The following RNF144A variants were observed in gnomAD, a reference collection of about 807,000 sequenced individuals.
RNF144A encodes E3 ubiquitin-protein ligase RNF144A.
In RNF144A, 11 loss-of-function variants were observed where a neutral mutation model predicts 38.7. That is an observed-to-expected ratio of 0.28 (90% CI 0.18 to 0.47). The LOEUF is 0.47. Ranked by LOEUF, RNF144A falls within the 20% of genes least tolerant of loss-of-function variation. RNF144A has a pLI of 0.99. For synonymous variants in RNF144A, 149 were observed against 143.9 expected (o/e 1.04, Z -0.25); for missense variants, 316 against 377.2 (o/e 0.84, Z 1.34).
chr2:7,054,232 C>T (rs1408594044), intron 6 of RNF144A, among the ~76,000 whole-genome samples: 1 of 152,216 alleles, frequency 6.6e-6, no homozygotes, highest in African/African-American at 2.4e-5. Flanking sequence ...GAGACAGCCG[C>T]TGAATAAAAC....
intron 6 of RNF144A, among the ~76,000 whole-genome samples, chr2:7,023,181 T>G (rs192903443): frequency 9.2e-5 from 14 of 152,316 alleles, no homozygotes; most frequent in African/African-American, 3.4e-4. Flanking sequence ...ACATACTGCT[T>G]CTCTCATTAT....
chr2:6,930,768 T>A (rs895209173), intron 1 of RNF144A, among the ~76,000 whole-genome samples: 1 of 151,902 alleles, frequency 6.6e-6, no homozygotes, highest in African/African-American at 2.4e-5. Context: ...ATTTTTATAT[T>A]TTTTTTGTAG....
chr2:7,070,535 G>A (rs1674429188), downstream of RNF144A, among the ~76,000 whole-genome samples: 1 of 152,166 alleles, frequency 6.6e-6, no homozygotes, highest in Non-Finnish European at 1.5e-5. Flanking sequence ...CCCCCTCCCA[G>A]TACATGTGAA....
At position 6,922,646 on chromosome 2, in the gene RNF144A, A is replaced by T. The variant is rs1465606459; in HGVS notation, c.-212+5024A>T. 2.6e-4 allele frequency among the ~76,000 whole-genome samples: 36 copies of T among 139,484 alleles called. 2 individuals carry two copies. Among genetic ancestry groups the T allele is most frequent in the Admixed American group, 2.5e-3 (34 of 13,618 alleles). 91.5% of individuals were successfully genotyped at this position (139,484 alleles called of 152,430 possible). Reference sequence around the variant, plus strand: ...TTTTTCTTTTTTTTTTTTTTTTGAGATGGAGTCTCACTTTGTCGCCCAGGC... The same window carrying T: ...TTTTTCTTTTTTTTTTTTTTTTGAGTTGGAGTCTCACTTTGTCGCCCAGGC... On this transcript the variant is annotated intron_variant, in intron 1 of 8. Transcript: ENST00000320892.
chr2:7,049,738 T>G (rs571064620), intron 6 of RNF144A, among the ~76,000 whole-genome samples: 39 of 151,982 alleles, frequency 2.6e-4, no homozygotes, highest in Non-Finnish European at 5.4e-4. Context: ...AAGCTGGGAG[T>G]TATTACAAAC....
intron 7 of RNF144A, among the ~76,000 whole-genome samples, chr2:7,024,985 A>G (rs1671787126): frequency 6.6e-6 from 1 of 151,886 alleles, no homozygotes; most frequent in Admixed American, 6.6e-5. Context: ...GTGAGGACAG[A>G]CAGAAGTGGG....
chr2:6,986,348 T>G (rs1396565690), intron 2 of RNF144A, among the ~76,000 whole-genome samples: 1 of 152,110 alleles, frequency 6.6e-6, no homozygotes, highest in Non-Finnish European at 1.5e-5. Flanking sequence ...GCTCAAGGGA[T>G]TGACAAGCTC....
At chr2:7,034,851 G>A (rs1436363681) in intron 8 of RNF144A, among the ~76,000 whole-genome samples, 1 of 152,204 alleles carries the variant, frequency 6.6e-6, no homozygotes, top group African/African-American at 2.4e-5. Context: ...GGGGCCGGCT[G>A]GGGAGCCTTC....
intron 2 of RNF144A, among the ~76,000 whole-genome samples, chr2:6,985,734 G>A (rs568726224): frequency 1.4e-4 from 22 of 152,236 alleles, no homozygotes; most frequent in Admixed American, 5.9e-4. Flanking sequence ...GTGCAGTGGC[G>A]CCATCTCGGC....
At chr2:7,067,551 A>C (rs759790723) in intron 6 of RNF144A, among the ~76,000 whole-genome samples, 2 of 152,154 alleles carry the variant, frequency 1.3e-5, no homozygotes, top group African/African-American at 2.4e-5. Flanking sequence ...AAATCCCCTC[A>C]TTAAATGCCT....
chr2:6,990,597 A>C (rs1050763188), intron 2 of RNF144A, among the ~76,000 whole-genome samples: 1 of 151,514 alleles, frequency 6.6e-6, no homozygotes, highest in Non-Finnish European at 1.5e-5. Flanking sequence ...ACACACACAC[A>C]CACACAGATA....
intron 2 of RNF144A, among the ~76,000 whole-genome samples, chr2:6,947,133 G>A (rs978854171): frequency 5.9e-5 from 9 of 152,130 alleles, no homozygotes; most frequent in Admixed American, 2.0e-4. Context: ...AATTGATCTT[G>A]AATTGAGTCT....
Position 6,958,693 on chromosome 2 carries a change from C to T in RNF144A, c.-12+17546C>T, listed in dbSNP as rs1460971744. ...GGGGGACTGTCCACGTGACCGTAAT[C>T]TATTTCCCAGAGGGTCCCAGGCTGG... is the stretch of plus-strand genomic sequence containing the variant. On this transcript the variant is annotated intron_variant, in intron 2 of 8. Coordinates refer to ENST00000320892, the MANE Select transcript of RNF144A (RefSeq NM_014746.6). This position sits in a 1 kb window ranked among gnomAD's most constrained non-coding sequence, Gnocchi z 4.5. Among the ~76,000 whole-genome samples the T allele has an allele frequency of 6.6e-6, 1 of 152,170 alleles. No homozygotes were observed. The highest frequency in any genetic ancestry group is 2.4e-5 in the African/African-American group (1 of 41,444).
In RNF144A at chr2:7,024,362, C is replaced by T. The variant is rs754583917; in HGVS notation, c.510-7C>T. On this transcript the variant is annotated splice_region_variant and splice_polypyrimidine_tract_variant and intron_variant, in intron 6 of 8. Coordinates refer to ENST00000320892, the MANE Select transcript of RNF144A (RefSeq NM_014746.6). ...TGTGCAGAGTCCTCACGGCGTTTCT[C>T]CCACAGTGCTGCTTTCAAAATGGAA... 1 of 1,599,682 alleles carries T rather than the reference C, an allele frequency of 6.3e-7. No individual in the cohort carries two copies. The highest frequency in any genetic ancestry group is 8.6e-7 in the Non-Finnish European group (1 of 1,167,914).
chr2:6,994,146 C>T (rs1669569171), intron 2 of RNF144A, among the ~76,000 whole-genome samples: 1 of 152,298 alleles, frequency 6.6e-6, no homozygotes, highest in South Asian at 2.1e-4. Flanking sequence ...ACTTCCCCAA[C>T]AGCCCGACAG....
chr2:7,054,711 C>A (rs1206028155), intron 6 of RNF144A, among the ~76,000 whole-genome samples: 3 of 152,124 alleles, frequency 2.0e-5, no homozygotes, highest in African/African-American at 7.2e-5. Context: ...GCAAGGGGCA[C>A]CATCTTGGAG....
chr2:6,940,206 A>T lies in RNF144A; in HGVS notation c.-211-742A>T, dbSNP rs1665877575. On this transcript the variant is annotated intron_variant, in intron 1 of 8. Transcript: ENST00000320892. ...TTAGCAACATTGTCTTCCATCCACG[A>T]ACATGGGATGTCTATTTTTTAGGGC... is the stretch of plus-strand genomic sequence containing the variant. 2.6e-5 allele frequency among the ~76,000 whole-genome samples: 4 copies of T among 152,234 alleles called. No individual in the cohort carries two copies. The South Asian group carries it at 8.3e-4, about 31-fold the overall frequency.
intron 3 of RNF144A, among the ~76,000 whole-genome samples, chr2:7,001,225 G>A (rs1049333790): frequency 6.6e-5 from 10 of 151,468 alleles, no homozygotes; most frequent in African/African-American, 1.9e-4. Flanking sequence ...ACTTGAACCC[G>A]GGAGGTGGAG....
chr2:6,986,070 G>A (rs571023881), intron 2 of RNF144A, among the ~76,000 whole-genome samples: 4 of 152,248 alleles, frequency 2.6e-5, no homozygotes, highest in South Asian at 2.1e-4. Flanking sequence ...AGGTTTTCAC[G>A]TGGGCAGAAG....
Sources: gnomAD v4.1 joint callset for allele counts (sites outside exome capture counted in the v4.1 genomes callset) on GRCh38, gnomAD v4.1.1 for gene constraint, Gnocchi (gnomAD v3.1) non-coding constraint, MANE v1.5 for transcripts, NCBI Gene and HGNC (gene_info 2026-07-23, HGNC 2026-07-21) for gene names.